Variants in OPRM1 observed in about 807,000 individuals in gnomAD.
OPRM1 encodes the protein mu-type opioid receptor.
A neutral mutation model predicts 31.8 loss-of-function variants in OPRM1; 27 were observed. That is an observed-to-expected ratio of 0.85 (90% CI 0.63 to 1.17). The LOEUF is 1.17. Among genes scored for constraint, OPRM1 ranks in the 50% most tolerant of loss-of-function variants. The pLI is 0.00. For missense variants in OPRM1, 536 were observed against 511.1 expected (o/e 1.05, Z -0.47); for synonymous variants, 196 against 189.9 (o/e 1.03, Z -0.26).
chr6:154,182,075 A>T (rs768976893), intron 3 of OPRM1, among the ~76,000 whole-genome samples: 30 of 152,198 alleles, frequency 2.0e-4, no homozygotes, highest in Non-Finnish European at 4.4e-4. Flanking sequence ...TTTAAAAAAG[A>T]TCACAGGTAA....
chr6:154,049,264 A>G (rs569780641), intron 1 of OPRM1, among the ~76,000 whole-genome samples: 44 of 152,344 alleles, frequency 2.9e-4, no homozygotes, highest in African/African-American at 9.9e-4. Context: ...CATTTTAAAC[A>G]GTGAAGTCAC....
At chr6:154,135,144 C>T (rs1798023601), downstream of OPRM1, among the ~76,000 whole-genome samples, 1 of 152,096 alleles carries the variant, frequency 6.6e-6, no homozygotes, top group African/African-American at 2.4e-5. Context: ...AGATATCTTC[C>T]CTTATTAAGT....
intron 1 of OPRM1, among the ~76,000 whole-genome samples, chr6:154,089,575 A>G (rs1275532206): frequency 8.0e-6 from 1 of 125,478 alleles, no homozygotes; most frequent in East Asian, 2.5e-4. Flanking sequence ...TAACAGGGCA[A>G]GATCCTATCC....
At chr6:154,056,058 T>G (rs1783211619) in intron 1 of OPRM1, among the ~76,000 whole-genome samples, 1 of 152,252 alleles carries the variant, frequency 6.6e-6, no homozygotes, top group Non-Finnish European at 1.5e-5. Flanking sequence ...CTGTTGAGTC[T>G]GATTCTCTAA....
rs201666961 is a variant in OPRM1, at chr6:154,039,835, G to A, written c.290+1G>A. The A allele has an allele frequency of 3.2e-6, 5 of 1,574,258 alleles. No individual in the cohort carries two copies. The highest frequency in any genetic ancestry group is 4.3e-6 in the Non-Finnish European group (5 of 1,163,520). On this transcript the variant is annotated splice_donor_variant, in intron 1 of 3. Transcript: ENST00000330432. LOFTEE classifies it high-confidence loss of function. ...TCCTGGTCATGTATGTGATTGTCAG[G>A]TAAGGAAAGCGCCAGGGCTCCGAGC...
chr6:154,064,249 A>G (rs761606942), intron 1 of OPRM1, among the ~76,000 whole-genome samples: 2 of 152,136 alleles, frequency 1.3e-5, no homozygotes, highest in African/African-American at 2.4e-5. Context: ...ATCTTTTCAT[A>G]TGCTTATTAT....
At chr6:154,077,220 A>T (rs1788051567) in intron 1 of OPRM1, among the ~76,000 whole-genome samples, 1 of 152,072 alleles carries the variant, frequency 6.6e-6, no homozygotes, top group Admixed American at 6.5e-5. Flanking sequence ...TTGCTACAAC[A>T]TAATTTAATA....
At chr6:154,145,850 T>C (rs1022335486) in intron 3 of OPRM1, among the ~76,000 whole-genome samples, 2 of 152,232 alleles carry the variant, frequency 1.3e-5, no homozygotes, top group Non-Finnish European at 2.9e-5. Context: ...AAACTTATTT[T>C]TGACAAAGGT....
intron 3 of OPRM1, among the ~76,000 whole-genome samples, chr6:154,111,198 T>C (rs1796325915): frequency 1.3e-5 from 2 of 152,314 alleles, no homozygotes; most frequent in African/African-American, 4.8e-5. Flanking sequence ...CAATGGAGCT[T>C]GGAAGAGGGG....
chr6:154,010,515 G>C (rs1032347033), exon 1 of OPRM1: 2 of 1,543,132 alleles, frequency 1.3e-6, no homozygotes, highest in South Asian at 2.4e-5. Context: ...TAAAGAAAAT[G>C]ATGAGGGCTA....
In OPRM1 at chr6:154,176,799, G is replaced by GA. The variant is rs1459218057; in HGVS notation, c.1165-69888dup. Among the ~76,000 whole-genome samples the GA allele has an allele frequency of 6.6e-5, 10 of 152,110 alleles. No individual in the cohort carries two copies. The East Asian group carries it at 9.7e-4, about 15-fold the overall frequency. ...CTCCCACTGACTCTTCACAGAATTGGAAAAAACTACTTTAAATTTCATATG... is the reference window on the plus strand; with the variant it reads ...CTCCCACTGACTCTTCACAGAATTGGAAAAAAACTACTTTAAATTTCATATG... On this transcript the variant is annotated intron_variant, in intron 3 of 3. Coordinates refer to the OPRM1 transcript ENST00000337049.
Position 154,039,528 on chromosome 6 carries a change from G to A in OPRM1, c.-17G>A, listed in dbSNP as rs201433088. ...CTGGCTACCTCGCACAGCGGTGCCC[G>A]CCCGGCCGTCAGTACCATGGACAGC... On this transcript the variant is annotated 5_prime_UTR_variant, in exon 1 of 4. Coordinates refer to ENST00000330432, the MANE Select transcript of OPRM1 (RefSeq NM_000914.5). 1.0e-5 allele frequency: 16 copies of A among 1,600,934 alleles called. No individual in the cohort carries two copies. In the African/African-American group the frequency reaches 1.7e-4, roughly 17 times the overall value.
At chr6:154,068,239 ACT>A (rs1785881688) in intron 1 of OPRM1, among the ~76,000 whole-genome samples, 1 of 151,950 alleles carries the variant, frequency 6.6e-6, no homozygotes, top group South Asian at 2.1e-4. Context: ...CACAACATTC[ACT>A]CTCAGCATTT....
rs1356108024 is a variant in OPRM1, at chr6:154,246,867, C to T, written c.*82C>T. ...TGAAAGGCAACTTTTAATTGTTAAC[C>T]CCCCGGGGAGCTGGATTTTTCACCA... On this transcript the variant is annotated 3_prime_UTR_variant, in exon 4 of 4. Transcript: ENST00000337049. 12 of 1,312,004 alleles carry T rather than the reference C, an allele frequency of 9.1e-6. No individual in the cohort carries two copies. The East Asian group carries it at 2.9e-4, about 32-fold the overall frequency. The allele number at this position is 1,312,004 out of a possible 1,614,324, so 81.3% of individuals were successfully genotyped here. A position where few individuals can be genotyped will look rare whatever the true frequency, so the allele number is the denominator to read the frequency against.
At chr6:154,043,897 T>C (rs1780575383) in intron 1 of OPRM1, among the ~76,000 whole-genome samples, 1 of 152,144 alleles carries the variant, frequency 6.6e-6, no homozygotes, top group South Asian at 2.1e-4. Context: ...ACTCTTCTTC[T>C]GTGTCTTCTA....
rs537005802 is a variant in OPRM1, at chr6:154,050,890, T to A, written c.290+11056T>A. 1.4e-4 allele frequency among the ~76,000 whole-genome samples: 21 copies of A among 152,248 alleles called. No homozygotes were observed. In the East Asian group the frequency reaches 3.9e-3, roughly 28 times the overall value. The stretch of plus-strand genomic sequence containing the variant: ...GTACCCCGTAAATATATACACCTAC[T>A]ACATAGCCACAAAAAACAAATATTT... On this transcript the variant is annotated intron_variant, in intron 1 of 3. Transcript: ENST00000330432.
Position 154,118,676 on chromosome 6 carries a change from C to T in OPRM1, c.1165-7C>T. ...GTTCACTGTCTTTGCTCTTTCTCTCCTTTCAGCTAGAAAATCTGGAAGCAG... is the reference window on the plus strand; with the variant it reads ...GTTCACTGTCTTTGCTCTTTCTCTCTTTTCAGCTAGAAAATCTGGAAGCAG... On this transcript the variant is annotated splice_region_variant and splice_polypyrimidine_tract_variant and intron_variant, in intron 3 of 3. Coordinates refer to ENST00000330432, the MANE Select transcript of OPRM1 (RefSeq NM_000914.5). The T allele has an allele frequency of 6.2e-7, 1 of 1,612,908 alleles. No homozygotes were observed. Among genetic ancestry groups the T allele is most frequent in the East Asian group, 2.2e-5 (1 of 44,888 alleles).
intron 1 of OPRM1, among the ~76,000 whole-genome samples, chr6:154,025,277 T>C (rs1374192249): frequency 2.0e-5 from 3 of 152,066 alleles, no homozygotes; most frequent in Non-Finnish European, 2.9e-5. Context: ...ATAGTAACCT[T>C]CTTTGTCTCT....
At chr6:154,041,455 A>G (rs911587694) in intron 1 of OPRM1, among the ~76,000 whole-genome samples, 1 of 152,222 alleles carries the variant, frequency 6.6e-6, no homozygotes, top group African/African-American at 2.4e-5. Context: ...AAGGGAAAAT[A>G]TGTTTCTCAT....
Sources: allele counts gnomAD v4.1 joint callset (sites outside exome capture counted in the v4.1 genomes callset), GRCh38; gene constraint gnomAD v4.1.1; transcripts MANE v1.5; gene names NCBI Gene and HGNC (gene_info 2026-07-23, HGNC 2026-07-21).